SLCO3A1: variants seen among roughly 807,000 people sequenced by gnomAD.
The protein encoded by SLCO3A1 is PGE1 transporter.
SLCO3A1 carries 27 observed loss-of-function variants against 63.1 expected under a neutral mutation model. The ratio of observed to expected loss-of-function variants is 0.43; its 90% CI spans 0.32 to 0.59. The LOEUF is 0.59. SLCO3A1 is among the 20% of genes least tolerant of loss of function. SLCO3A1 has a pLI of 0.09. For missense variants in SLCO3A1, 773 were observed against 945.8 expected (o/e 0.82, Z 2.40); for synonymous variants, 473 against 409.9 (o/e 1.15, Z -1.86).
chr15:91,877,529 T>C (rs1050939445), intron 1 of SLCO3A1, among the ~76,000 whole-genome samples: 4 of 152,162 alleles, frequency 2.6e-5, no homozygotes, highest in African/African-American at 9.7e-5. Flanking sequence ...GAGAGTGGTA[T>C]GGTGGCCGAA....
chr15:92,016,254 T>TAGATTAGATAGA, intron 2 of SLCO3A1, among the ~76,000 whole-genome samples: 1,058 of 95,610 alleles, frequency 0.011, 5 homozygotes, highest in Admixed American at 0.03. Context: ...GATAGATAGA[T>TAGATTAGATAGA]TAGATAGATA....
At chr15:92,067,698 T>C (rs1371877662) in intron 2 of SLCO3A1, among the ~76,000 whole-genome samples, 2 of 152,272 alleles carry the variant, frequency 1.3e-5, no homozygotes, top group Non-Finnish European at 2.9e-5. Flanking sequence ...CAGTGCAGAC[T>C]ACTCTTTGTG....
intron 2 of SLCO3A1, among the ~76,000 whole-genome samples, chr15:91,925,976 C>T (rs1898998276): frequency 6.6e-6 from 1 of 152,190 alleles, no homozygotes; most frequent in Non-Finnish European, 1.5e-5. Context: ...AGGAGTTGGT[C>T]TGGATTGCTT....
chr15:92,045,521 C>T (rs2046850597), intron 2 of SLCO3A1, among the ~76,000 whole-genome samples: 1 of 152,032 alleles, frequency 6.6e-6, no homozygotes, highest in African/African-American at 2.4e-5. Context: ...TGAAATTTTT[C>T]CTGTCCCACT....
Position 91,865,569 on chromosome 15 carries a change from A to G in SLCO3A1, c.180+11481A>G, listed in dbSNP as rs1387672512. Among the ~76,000 whole-genome samples, 2 of 152,228 alleles carry G rather than the reference A, an allele frequency of 1.3e-5. No homozygotes were observed. The highest frequency in any genetic ancestry group is 2.9e-5 in the Non-Finnish European group (2 of 68,030). On this transcript the variant is annotated intron_variant, in intron 1 of 9. Coordinates refer to ENST00000318445, the MANE Select transcript of SLCO3A1 (RefSeq NM_013272.4). The surrounding 1 kb of genome is among the most constrained non-coding windows in gnomAD (Gnocchi z 4.6). Reference sequence around the variant, plus strand: ...CCGTGCTCCCTCCTAGACCCTGCGTAGAACCCTTCCTTGCCTCTTCATGGC... The same window carrying G: ...CCGTGCTCCCTCCTAGACCCTGCGTGGAACCCTTCCTTGCCTCTTCATGGC...
At chr15:92,000,979 C>T (rs1464892965) in intron 2 of SLCO3A1, among the ~76,000 whole-genome samples, 1 of 152,138 alleles carries the variant, frequency 6.6e-6, no homozygotes, top group Non-Finnish European at 1.5e-5. Context: ...GAGAGCAAGG[C>T]TGATCAGTCT....
At chr15:91,892,305 T>C (rs375092966) in intron 1 of SLCO3A1, among the ~76,000 whole-genome samples, 7 of 152,172 alleles carry the variant, frequency 4.6e-5, no homozygotes, top group Admixed American at 3.9e-4. Context: ...ATGGGATGCA[T>C]TGGAGCAGTG....
Position 92,104,341 on chromosome 15 carries a change from C to T in SLCO3A1, c.808C>T (p.Leu270Phe). Residue 270 changes from leucine (L) to phenylalanine (F), a missense_variant, in exon 4 of 10, where the codon CTC becomes TTC. By Grantham distance (22) the Leu-to-Phe change is conservative. Coordinates refer to ENST00000318445, the MANE Select transcript of SLCO3A1 (RefSeq NM_013272.4). ...CGGAGCCTGGTGGGGTGGCTTTCTGCTCTGCGGTGCCTTACTCTTCTTCTC... is the reference window on the plus strand; with the variant it reads ...CGGAGCCTGGTGGGGTGGCTTTCTGTTCTGCGGTGCCTTACTCTTCTTCTC... ...WIGAWWGGFL[L>F]CGALLFFSSL... is the part of the protein sequence containing the mutation. The T allele has an allele frequency of 6.2e-7, 1 of 1,614,204 alleles. No homozygotes were observed. Among genetic ancestry groups the T allele is most frequent in the South Asian group, 1.1e-5 (1 of 91,088 alleles).
chr15:91,866,215 A>T (rs1897160504), intron 1 of SLCO3A1, among the ~76,000 whole-genome samples: 1 of 152,218 alleles, frequency 6.6e-6, no homozygotes. Flanking sequence ...AGGAGAATGC[A>T]TGTAAAAAAA....
At chr15:91,959,752 T>TA (rs1900373022) in intron 2 of SLCO3A1, among the ~76,000 whole-genome samples, 1 of 147,776 alleles carries the variant, frequency 6.8e-6, no homozygotes, top group East Asian at 2.0e-4. Flanking sequence ...AAGAAAAGTA[T>TA]AAAAAATATA....
chr15:92,061,037 T>A (rs2047080730), intron 2 of SLCO3A1, among the ~76,000 whole-genome samples: 1 of 152,206 alleles, frequency 6.6e-6, no homozygotes, highest in Admixed American at 6.5e-5. Context: ...GGATCTGAGC[T>A]CCTGCAGGCA....
chr15:92,077,721 C>T (rs911396678), intron 2 of SLCO3A1, among the ~76,000 whole-genome samples: 1 of 152,230 alleles, frequency 6.6e-6, no homozygotes, highest in Non-Finnish European at 1.5e-5. Context: ...GGACCCTGGG[C>T]TTCCCAGAGC....
chr15:92,156,771 T>A (rs1184343124), intron 9 of SLCO3A1, among the ~76,000 whole-genome samples: 2 of 152,172 alleles, frequency 1.3e-5, no homozygotes, highest in Non-Finnish European at 2.9e-5. Flanking sequence ...TGAATTCAAG[T>A]CTTGGCAGGT....
rs542591749 is a variant in SLCO3A1, at chr15:91,888,403, C to T, written c.181-27590C>T. 2.8e-4 allele frequency among the ~76,000 whole-genome samples: 43 copies of T among 152,288 alleles called. 1 individual carries two copies. The South Asian group carries it at 8.3e-3, about 29-fold the overall frequency. ...CCTTTGCTCTTCATTCACTTAATTT[C>T]AGTCATGCAATCCAGTTATACAAAT... is the stretch of plus-strand genomic sequence containing the variant. On this transcript the variant is annotated intron_variant, in intron 1 of 9. Coordinates refer to ENST00000318445, the MANE Select transcript of SLCO3A1 (RefSeq NM_013272.4).
chr15:92,141,630 C>T (rs1403160394), intron 7 of SLCO3A1, among the ~76,000 whole-genome samples: 1 of 152,200 alleles, frequency 6.6e-6, no homozygotes, highest in Non-Finnish European at 1.5e-5. Context: ...CCCTACTTCC[C>T]CTTTTCCCTT....
intron 2 of SLCO3A1, among the ~76,000 whole-genome samples, chr15:91,927,892 T>G (rs72751974): frequency 1.5e-4 from 23 of 152,308 alleles, no homozygotes; most frequent in African/African-American, 5.5e-4. Flanking sequence ...TGTCTATTAT[T>G]AGATCTAAAT....
chr15:92,102,404 C>A (rs186499261), intron 3 of SLCO3A1, among the ~76,000 whole-genome samples: 154 of 149,356 alleles, frequency 1.0e-3, no homozygotes, highest in Non-Finnish European at 1.6e-3. Context: ...ATAACAAGAT[C>A]TCTCTCTATA....
At chr15:92,030,010 T>G (rs17644525) in intron 2 of SLCO3A1, among the ~76,000 whole-genome samples, 1 of 152,134 alleles carries the variant, frequency 6.6e-6, no homozygotes, top group African/African-American at 2.4e-5. Flanking sequence ...TAATAAAATG[T>G]CCTCGGCTAC....
rs763188624 is a variant in SLCO3A1 at position 91,894,201 on chromosome 15, A to T, written c.181-21792A>T. 6.6e-5 allele frequency among the ~76,000 whole-genome samples: 10 copies of T among 150,572 alleles called. No homozygotes were observed. Among genetic ancestry groups the T allele is most frequent in the Non-Finnish European group, 1.0e-4 (7 of 67,664 alleles). ...CTGGTGTGGTTTGAATGGTAAACAT[A>T]TGGGATGGTGGTAGGAAATGAGGTT... On this transcript the variant is annotated intron_variant, in intron 1 of 9. Coordinates refer to ENST00000318445, the MANE Select transcript of SLCO3A1 (RefSeq NM_013272.4). This position sits in a 1 kb window ranked among gnomAD's most constrained non-coding sequence, Gnocchi z 4.8.
Sources: allele counts gnomAD v4.1 joint callset (sites outside exome capture counted in the v4.1 genomes callset), GRCh38; gene constraint gnomAD v4.1.1; non-coding constraint Gnocchi (gnomAD v3.1); transcripts MANE v1.5; gene names NCBI Gene and HGNC (gene_info 2026-07-23, HGNC 2026-07-21).